The following KIF9 variants were observed in gnomAD, a reference collection of about 807,000 sequenced individuals.
KIF9 encodes the protein kinesin-like protein KIF9.
Under a neutral mutation model 94.8 loss-of-function variants are expected in KIF9, and 68 were observed. That is an observed-to-expected ratio of 0.72 (90% CI 0.59 to 0.88). The LOEUF (loss-of-function observed/expected upper bound fraction) is 0.88, where lower values mean the gene tolerates loss of function less well. KIF9 is among the 40% of genes least tolerant of loss of function. The pLI, the probability that KIF9 is intolerant of heterozygous loss-of-function variation, is 0.00. For missense variants in KIF9, 882 were observed against 982.5 expected (o/e 0.90, Z 1.37); for synonymous variants, 343 against 362.1 (o/e 0.95, Z 0.60).
intron 9 of KIF9, among the ~76,000 whole-genome samples, chr3:47,258,874 G>A (rs1056931505): frequency 6.6e-6 from 1 of 152,114 alleles, no homozygotes; most frequent in African/African-American, 2.4e-5. Context: ...TTGGTGCTGG[G>A]TCTTTGAAAT....
Position 47,254,516 on chromosome 3 carries a change from CAGA to C in KIF9, c.1059+2964_1059+2966del, listed in dbSNP as rs1286494357. On this transcript the variant is annotated intron_variant, in intron 10 of 20. Transcript: ENST00000684063. ...ATCCCAGCTACTTGGGAGGCTGAGG[CAGA>C]AGAATGGCTTGAACCTGGGAGGTAG... is the stretch of plus-strand genomic sequence containing the variant. 4.6e-5 allele frequency among the ~76,000 whole-genome samples: 7 copies of C among 152,126 alleles called. 1 individual carries two copies. In the East Asian group the frequency reaches 1.3e-3, roughly 29 times the overall value.
At chr3:47,257,345 G>C (rs1026529293) in intron 10 of KIF9, 138 bp downstream of exon 10, 5 of 749,980 alleles carry the variant, frequency 6.7e-6, no homozygotes, top group Non-Finnish European at 9.2e-6. Flanking sequence ...GGCCAGTCCA[G>C]GAGTGGAAAA....
intron 2 of KIF9, 154 bp downstream of exon 2, chr3:47,277,128 T>A: frequency 2.2e-6 from 1 of 455,718 alleles, no homozygotes. Flanking sequence ...TAGCAGTGTG[T>A]GAGGGGGTGG....
chr3:47,264,335 A>C lies in KIF9; in HGVS notation c.932T>G (p.Met311Arg), dbSNP rs750462760. The C allele has an allele frequency of 5.0e-6, 8 of 1,613,768 alleles. No homozygotes were observed. Among genetic ancestry groups the C allele is most frequent in the Non-Finnish European group, 6.8e-6 (8 of 1,179,652 alleles). ...LKDSLGGNCN[M>R]VLVTNIYGEA... ...TCCATAGATGTTTGTCACGAGGACC[A>C]TATTGCAGTTTCCCCCTGCGGAAAG... The change falls in exon 9 of 21, where the codon ATG (methionine) becomes AGG (arginine). Residue 311 changes from methionine (M) to arginine (R), a missense_variant. By Grantham distance (91) the Met-to-Arg change is moderately conservative. Transcript: ENST00000684063.
At position 47,235,747 on chromosome 3, in the gene KIF9, C is replaced by T. The variant is rs1443897019; in HGVS notation, c.2218-130G>A. ...CCCCACCGCCACCAAAAGGGCATCT[C>T]ACAGCCCTCCAGCCCCCATGTCTGT... On this transcript the variant is annotated intron_variant, in intron 19 of 20. Coordinates refer to ENST00000684063, the MANE Select transcript of KIF9 (RefSeq NM_182902.4). The T allele has an allele frequency of 2.5e-5, 18 of 718,208 alleles. 1 individual carries two copies. The highest frequency in any genetic ancestry group is 1.9e-4 in the African/African-American group (11 of 57,714). 44.5% of individuals were successfully genotyped at this position (718,208 alleles called of 1,614,324 possible). A position where few individuals can be genotyped will look rare whatever the true frequency, so the allele number is the denominator to read the frequency against.
chr3:47,245,391 G>A, intron 14 of KIF9, 30 bp downstream of exon 14: 1 of 1,538,386 alleles, frequency 6.5e-7, no homozygotes, highest in South Asian at 1.1e-5. Flanking sequence ...TCTGAGGTGA[G>A]TGCTGTCGGC....
rs1215235003 is a variant in KIF9 at position 47,237,809 on chromosome 3, G to A, written c.1925-1190C>T. Among the ~76,000 whole-genome samples the A allele has an allele frequency of 3.3e-5, 5 of 152,216 alleles. No individual in the cohort carries two copies. In the East Asian group the frequency reaches 9.6e-4, roughly 29 times the overall value. On this transcript the variant is annotated intron_variant, in intron 17 of 20. Transcript: ENST00000684063. ...TCATTAATGGAAAAGCAAATGTCTA[G>A]ACTCTGGGATCTGGGATCTGGAGTG...
At chr3:47,229,775 C>T (rs1231545253) in intron 20 of KIF9, among the ~76,000 whole-genome samples, 6 of 151,626 alleles carry the variant, frequency 4.0e-5, no homozygotes, top group Non-Finnish European at 7.4e-5. Context: ...GCTCTGTCAC[C>T]CAGGCCGGAG....
rs1287459828 is a variant in KIF9, at chr3:47,280,154, C to T, written c.-6+2341G>A. Among the ~76,000 whole-genome samples the T allele has an allele frequency of 2.0e-5, 3 of 152,030 alleles. No individual in the cohort carries two copies. The East Asian group carries it at 5.8e-4, about 29-fold the overall frequency. ...TTGCAATTTTGTAGAGATGGGGTTT[C>T]AACATGTTGCCCAGGCTGGTCTCAA... On this transcript the variant is annotated intron_variant, in intron 1 of 20. Coordinates refer to ENST00000684063, the MANE Select transcript of KIF9 (RefSeq NM_182902.4).
chr3:47,281,663 T>G (rs938629227), intron 1 of KIF9, among the ~76,000 whole-genome samples: 2 of 152,164 alleles, frequency 1.3e-5, no homozygotes, highest in South Asian at 4.1e-4. Flanking sequence ...CCTTTCTCCC[T>G]CAGGACCTTG....
intron 20 of KIF9, among the ~76,000 whole-genome samples, chr3:47,232,125 G>A (rs1373666588): frequency 2.0e-5 from 3 of 152,118 alleles, no homozygotes; most frequent in Non-Finnish European, 1.5e-5. Flanking sequence ...GGGCCTGAGG[G>A]AGCTCGTTAG....
At chr3:47,262,690 T>C (rs1559454403) in intron 9 of KIF9, among the ~76,000 whole-genome samples, 2 of 152,154 alleles carry the variant, frequency 1.3e-5, no homozygotes, top group Non-Finnish European at 2.9e-5. Context: ...GGGTGCTGGA[T>C]GTACGACAGG....
rs572943750 is a variant in KIF9, at chr3:47,264,684, T to C, written c.917-334A>G. Among the ~76,000 whole-genome samples the C allele has an allele frequency of 8.5e-5, 13 of 152,348 alleles. No individual in the cohort carries two copies. In the South Asian group the frequency reaches 1.2e-3, roughly 15 times the overall value. On this transcript the variant is annotated intron_variant, in intron 8 of 20. Transcript: ENST00000684063. The stretch of plus-strand genomic sequence containing the variant: ...AACTCCTGGCCTCAAGCGATCCTCC[T>C]GTCTCAGCCTCCCAAAATGCTGGGA...
At chr3:47,252,111 A>G (rs1330469634) in intron 10 of KIF9, among the ~76,000 whole-genome samples, 1 of 152,232 alleles carries the variant, frequency 6.6e-6, no homozygotes, top group Non-Finnish European at 1.5e-5. Context: ...ATGACCTGAG[A>G]ATACTGGCTA....
At chr3:47,232,700 C>T (rs960857956) in intron 20 of KIF9, among the ~76,000 whole-genome samples, 12 of 151,888 alleles carry the variant, frequency 7.9e-5, no homozygotes, top group Admixed American at 2.0e-4. Flanking sequence ...TAAGGAAAGT[C>T]GGCCGGGCAT....
intron 8 of KIF9, among the ~76,000 whole-genome samples, 188 bp from the exon 9 acceptor site, chr3:47,264,538 G>A (rs1701177639): frequency 1.3e-5 from 2 of 152,200 alleles, no homozygotes; most frequent in South Asian, 4.1e-4. Context: ...CTGGGCTCAA[G>A]TGATCCTCTT....
At chr3:47,266,940 T>C (rs2107450285) in intron 7 of KIF9, 36 bp downstream of exon 7, 1 of 1,495,098 alleles carries the variant, frequency 6.7e-7, no homozygotes, top group Non-Finnish European at 9.3e-7. Flanking sequence ...GGGCTTGTGG[T>C]TTATTGAGTA....
chr3:47,234,858 A>G (rs896872648), intron 20 of KIF9, among the ~76,000 whole-genome samples: 15 of 152,304 alleles, frequency 9.8e-5, no homozygotes, highest in African/African-American at 3.4e-4. Flanking sequence ...GCCCAGCCAT[A>G]TACTTTCATG....
chr3:47,262,310 G>A (rs1229415679), intron 9 of KIF9, among the ~76,000 whole-genome samples: 1 of 147,148 alleles, frequency 6.8e-6, no homozygotes, highest in Admixed American at 6.9e-5. Context: ...ATGGAGTCTT[G>A]CTCTGTCACC....
Sources: allele counts gnomAD v4.1 joint callset (sites outside exome capture counted in the v4.1 genomes callset), GRCh38; gene constraint gnomAD v4.1.1; transcripts MANE v1.5; gene names NCBI Gene and HGNC (gene_info 2026-07-23, HGNC 2026-07-21).